Variants in GALNT17 observed in about 807,000 individuals in gnomAD.
GALNT17 encodes UDP-GalNAc:polypeptide N-acetylgalactosaminyltransferase-like 3.
A neutral mutation model predicts 63.7 loss-of-function variants in GALNT17; 29 were observed. The ratio of observed to expected loss-of-function variants is 0.46; its 90% CI spans 0.34 to 0.62. GALNT17 has a LOEUF of 0.62. GALNT17 is among the 20% of genes least tolerant of loss of function. The pLI, the probability that GALNT17 is intolerant of heterozygous loss-of-function variation, is 0.01. For synonymous variants in GALNT17, 305 were observed against 318.3 expected (o/e 0.96, Z 0.45); for missense variants, 603 against 799.6 (o/e 0.75, Z 2.97).
chr7:71,138,042 A>G (rs1281147968), intron 1 of GALNT17, among the ~76,000 whole-genome samples: 2 of 152,222 alleles, frequency 1.3e-5, no homozygotes, highest in African/African-American at 4.8e-5. Flanking sequence ...AAGAAAAGGA[A>G]ATGTTATTAA....
intron 2 of GALNT17, among the ~76,000 whole-genome samples, chr7:71,343,530 A>G (rs918865410): frequency 1.8e-4 from 28 of 152,034 alleles, no homozygotes; most frequent in African/African-American, 6.0e-4. Context: ...TTCCGTGACT[A>G]TTTTTTTTCT....
At chr7:71,186,323 A>G (rs1396641534) in intron 1 of GALNT17, among the ~76,000 whole-genome samples, 1 of 152,202 alleles carries the variant, frequency 6.6e-6, no homozygotes, top group Non-Finnish European at 1.5e-5. Flanking sequence ...TAGGAATCAG[A>G]TGAGGCCAGT....
chr7:71,677,540 C>T (rs528626236), intron 9 of GALNT17, among the ~76,000 whole-genome samples: 45 of 146,014 alleles, frequency 3.1e-4, no homozygotes, highest in African/African-American at 9.1e-4. Context: ...TTTGAGATGG[C>T]GTCTCACTCT....
intron 1 of GALNT17, among the ~76,000 whole-genome samples, chr7:71,175,031 A>C (rs1788610230): frequency 6.6e-6 from 1 of 152,228 alleles, no homozygotes; most frequent in African/African-American, 2.4e-5. Context: ...AGATTCTACA[A>C]TTAATGTTTT....
intron 1 of GALNT17, among the ~76,000 whole-genome samples, chr7:71,195,066 A>G (rs377578390): frequency 6.6e-6 from 1 of 152,182 alleles, no homozygotes; most frequent in Non-Finnish European, 1.5e-5. Context: ...ATATGCATGT[A>G]TATTCTGTGT....
At chr7:71,134,891 C>A (rs11761326) in intron 1 of GALNT17, among the ~76,000 whole-genome samples, 109,840 of 140,670 alleles carry the variant, frequency 0.78, 43,408 homozygotes, top group East Asian at 0.99. Context: ...TCGCTCTGTC[C>A]CCCTGGCTGG....
At chr7:71,503,208 A>G (rs192784567) in intron 5 of GALNT17, among the ~76,000 whole-genome samples, 45 of 152,242 alleles carry the variant, frequency 3.0e-4, no homozygotes, top group Admixed American at 5.9e-4. Flanking sequence ...CTACACGATC[A>G]CATGTCAATG....
At position 71,586,500 on chromosome 7, in the gene GALNT17, T is replaced by C. The variant is rs1050208919; in HGVS notation, c.1080+15098T>C. 5.9e-5 allele frequency among the ~76,000 whole-genome samples: 9 copies of C among 152,324 alleles called. No homozygotes were observed. In the South Asian group the frequency reaches 1.0e-3, roughly 18 times the overall value. On this transcript the variant is annotated intron_variant, in intron 6 of 10. Coordinates refer to ENST00000333538, the MANE Select transcript of GALNT17 (RefSeq NM_022479.3). The stretch of plus-strand genomic sequence containing the variant: ...TTCATATAAAAGTCTTTTATGAACA[T>C]TTGTTTAGATTTCGCTTGGGTAGAT...
At chr7:71,292,898 C>T (rs1183715214) in intron 1 of GALNT17, among the ~76,000 whole-genome samples, 1 of 152,076 alleles carries the variant, frequency 6.6e-6, no homozygotes, top group African/African-American at 2.4e-5. Flanking sequence ...AGCATCCTAC[C>T]CTCTACTTTT....
chr7:71,660,418 G>T (rs909462987), intron 6 of GALNT17, among the ~76,000 whole-genome samples: 1 of 152,200 alleles, frequency 6.6e-6, no homozygotes, highest in Non-Finnish European at 1.5e-5. Context: ...CTCTGCTCTT[G>T]GCATCAGCGA....
intron 5 of GALNT17, among the ~76,000 whole-genome samples, chr7:71,517,616 G>T (rs546552862): frequency 6.6e-6 from 1 of 152,248 alleles, no homozygotes; most frequent in South Asian, 2.1e-4. Flanking sequence ...TATTAGATTA[G>T]ACATCACTAC....
chr7:71,324,588 G>A (rs1406740564), intron 1 of GALNT17, among the ~76,000 whole-genome samples: 2 of 152,162 alleles, frequency 1.3e-5, no homozygotes, highest in African/African-American at 2.4e-5. Context: ...AACCCAGGAG[G>A]TGGAGATTGC....
At chr7:71,622,485 C>A (rs527924360) in intron 6 of GALNT17, among the ~76,000 whole-genome samples, 13 of 152,272 alleles carry the variant, frequency 8.5e-5, no homozygotes, top group African/African-American at 3.1e-4. Flanking sequence ...TGTCTGTCTT[C>A]ACTCTCACTG....
At position 71,308,482 on chromosome 7, in the gene GALNT17, A is replaced by G. The variant is rs541223229; in HGVS notation, c.239-27068A>G. ...ATGAATAGGATTTTTCGAACATTCT[A>G]TACCAAATTCACTGCCCTCCCTCCA... On this transcript the variant is annotated intron_variant, in intron 1 of 10. Transcript: ENST00000333538. 1.1e-4 allele frequency among the ~76,000 whole-genome samples: 17 copies of G among 152,260 alleles called. No homozygotes were observed. The South Asian group carries it at 3.1e-3, about 28-fold the overall frequency.
Position 71,428,817 on chromosome 7 carries a change from T to C in GALNT17, c.962+7712T>C, listed in dbSNP as rs184701678. On this transcript the variant is annotated intron_variant, in intron 5 of 10. Coordinates refer to ENST00000333538, the MANE Select transcript of GALNT17 (RefSeq NM_022479.3). ...GGTTTCTGGGATTTGCACACCTTTGTCCCTCTTGGGTGGAAAGACGGCTTC... is the reference window on the plus strand; with the variant it reads ...GGTTTCTGGGATTTGCACACCTTTGCCCCTCTTGGGTGGAAAGACGGCTTC... Among the ~76,000 whole-genome samples the C allele has an allele frequency of 1.1e-3, 168 of 152,302 alleles. 3 individuals are homozygous for C. The highest frequency in any genetic ancestry group is 0.011 in the Admixed American group (167 of 15,282).
chr7:71,394,972 C>T (rs1166438530), intron 3 of GALNT17, among the ~76,000 whole-genome samples: 1 of 151,818 alleles, frequency 6.6e-6, no homozygotes, highest in Non-Finnish European at 1.5e-5. Context: ...TGTGGTGGCA[C>T]GTGCCTGTAG....
At chr7:71,210,106 AG>A (rs1789348797) in intron 1 of GALNT17, among the ~76,000 whole-genome samples, 1 of 152,054 alleles carries the variant, frequency 6.6e-6, no homozygotes, top group African/African-American at 2.4e-5. Context: ...TAGTTTTAGT[AG>A]AGATGGGGTT....
At chr7:71,399,492 G>A (rs1470985857) in intron 3 of GALNT17, among the ~76,000 whole-genome samples, 1 of 152,116 alleles carries the variant, frequency 6.6e-6, no homozygotes, top group East Asian at 1.9e-4. Context: ...CTGCGTTCTA[G>A]CTTCCTCAAT....
At chr7:71,610,332 A>C (rs576518934) in intron 6 of GALNT17, among the ~76,000 whole-genome samples, 2 of 152,166 alleles carry the variant, frequency 1.3e-5, no homozygotes, top group African/African-American at 4.8e-5. Flanking sequence ...CTCTTTAAAA[A>C]ATAACTGGGC....
Sources: gnomAD v4.1 joint callset for allele counts (sites outside exome capture counted in the v4.1 genomes callset) on GRCh38, gnomAD v4.1.1 for gene constraint, MANE v1.5 for transcripts, NCBI Gene and HGNC (gene_info 2026-07-23, HGNC 2026-07-21) for gene names.